Variants in MUSK observed in about 807,000 individuals in gnomAD.
The protein encoded by MUSK is muscle, skeletal receptor tyrosine-protein kinase.
In MUSK, 55 loss-of-function variants were observed where a neutral mutation model predicts 88.7. That is an observed-to-expected ratio of 0.62 (90% confidence interval 0.50 to 0.78). The LOEUF (loss-of-function observed/expected upper bound fraction) is 0.78, where lower values mean the gene tolerates loss of function less well. MUSK is among the 30% of genes least tolerant of loss of function. The pLI, the probability that MUSK is intolerant of heterozygous loss-of-function variation, is 0.00. For missense variants in MUSK, 1,015 were observed against 1,074.3 expected (o/e 0.94, Z 0.77); for synonymous variants, 387 against 391.9 (o/e 0.99, Z 0.15).
chr9:110,758,162 C>T (rs1262035923), intron 7 of MUSK, among the ~76,000 whole-genome samples: 1 of 152,068 alleles, frequency 6.6e-6, no homozygotes, highest in Non-Finnish European at 1.5e-5. Context: ...AGGAGTTTCA[C>T]CATGTTGCTC....
intron 3 of MUSK, among the ~76,000 whole-genome samples, chr9:110,689,321 T>G (rs1350998338): frequency 1.7e-5 from 2 of 117,294 alleles, no homozygotes; most frequent in East Asian, 4.8e-4. Context: ...AAATATATAT[T>G]AAATATATAT....
intron 7 of MUSK, among the ~76,000 whole-genome samples, chr9:110,753,456 A>G (rs554606144): frequency 2.8e-4 from 42 of 150,284 alleles, no homozygotes; most frequent in African/African-American, 9.8e-4. Context: ...GAAAAAAAAA[A>G]AAAAGAGAGA....
intron 5 of MUSK, among the ~76,000 whole-genome samples, chr9:110,700,395 G>C (rs2076485993): frequency 6.6e-6 from 1 of 152,084 alleles, no homozygotes; most frequent in Non-Finnish European, 1.5e-5. Context: ...TAAAGAATGA[G>C]ATAGTCCTGT....
In MUSK at chr9:110,790,191, T is replaced by C. The variant is rs540301673; in HGVS notation, c.1927+2353T>C. Among the ~76,000 whole-genome samples, 3 of 152,286 alleles carry C rather than the reference T, an allele frequency of 2.0e-5. No homozygotes were observed. The East Asian group carries it at 5.8e-4, about 29-fold the overall frequency. ...GCATTAAGTCAAGTGAGAGGAGGAC[T>C]ATAAAGTGACCTTGAATTTGTAAAC... On this transcript the variant is annotated intron_variant, in intron 14 of 14. Transcript: ENST00000374448.
At chr9:110,781,094 C>A (rs1326315387) in intron 11 of MUSK, among the ~76,000 whole-genome samples, 1 of 152,168 alleles carries the variant, frequency 6.6e-6, no homozygotes, top group Admixed American at 6.5e-5. Context: ...TACTCCCCAA[C>A]TCCAACAATG....
intron 11 of MUSK, among the ~76,000 whole-genome samples, chr9:110,783,401 C>A (rs555495590): frequency 2.6e-5 from 4 of 152,116 alleles, no homozygotes; most frequent in African/African-American, 9.6e-5. Context: ...ACTTAAAAAT[C>A]TAGTTTCCTG....
intron 3 of MUSK, among the ~76,000 whole-genome samples, chr9:110,689,710 A>AATAT (rs2076273109): frequency 1.9e-5 from 1 of 53,004 alleles, no homozygotes; most frequent in African/African-American, 9.1e-5. Context: ...TAAATATATA[A>AATAT]CTATATATGT....
At chr9:110,721,548 C>T (rs1215245306) in intron 5 of MUSK, among the ~76,000 whole-genome samples, 2 of 151,964 alleles carry the variant, frequency 1.3e-5, no homozygotes, top group African/African-American at 2.4e-5. Flanking sequence ...AGGTGAAAGA[C>T]CTCTACAAGG....
intron 9 of MUSK, among the ~76,000 whole-genome samples, chr9:110,769,912 C>G (rs899615955): frequency 2.4e-4 from 36 of 152,096 alleles, no homozygotes; most frequent in East Asian, 1.2e-3. Context: ...GAAAAATTCT[C>G]TGTGTGTGTG....
At chr9:110,694,385 CAAAAAAA>C (rs796590211) in intron 3 of MUSK, among the ~76,000 whole-genome samples, 4 of 51,760 alleles carry the variant, frequency 7.7e-5, no homozygotes, top group East Asian at 1.5e-3. Flanking sequence ...GACTCCGTCT[CAAAAAAA>C]AAAAAAAAAA....
intron 1 of MUSK, among the ~76,000 whole-genome samples, chr9:110,681,060 T>TATATAATATATATA (rs2076113701): frequency 4.3e-5 from 1 of 23,348 alleles, no homozygotes; most frequent in Non-Finnish European, 7.3e-5. Flanking sequence ...TTATATATTA[T>TATATAATATATATA]ATATATAATA....
intron 7 of MUSK, among the ~76,000 whole-genome samples, chr9:110,751,518 C>T (rs1227481948): frequency 6.6e-6 from 1 of 152,170 alleles, no homozygotes; most frequent in African/African-American, 2.4e-5. Context: ...CAGAGAGCAA[C>T]TTGCAATCTG....
chr9:110,745,986 G>C, intron 6 of MUSK, among the ~76,000 whole-genome samples: 1 of 152,174 alleles, frequency 6.6e-6, no homozygotes, highest in East Asian at 1.9e-4. Flanking sequence ...TCTTCTTCCT[G>C]GCTAGTCAAA....
intron 13 of MUSK, among the ~76,000 whole-genome samples, chr9:110,787,434 A>G (rs1190344504): frequency 1.3e-5 from 2 of 151,580 alleles, no homozygotes; most frequent in African/African-American, 2.4e-5. Flanking sequence ...CAGAATTCCT[A>G]TAATTTGTAA....
At chr9:110,778,844 C>CTAA (rs2077708508) in intron 11 of MUSK, among the ~76,000 whole-genome samples, 2 of 152,014 alleles carry the variant, frequency 1.3e-5, no homozygotes, top group African/African-American at 4.8e-5. Flanking sequence ...TGAATAAATT[C>CTAA]CACTACCTTT....
intron 3 of MUSK, among the ~76,000 whole-genome samples, chr9:110,690,445 T>TATTTAG (rs1564220169): frequency 2.1e-5 from 1 of 48,640 alleles, no homozygotes; most frequent in African/African-American, 1.4e-4. Context: ...AATATAAGTA[T>TATTTAG]ATATAAATAT....
At chr9:110,696,923 T>C (rs1382877690) in intron 4 of MUSK, among the ~76,000 whole-genome samples, 2 of 151,606 alleles carry the variant, frequency 1.3e-5, no homozygotes, top group Non-Finnish European at 2.9e-5. Context: ...ACCCAGTATA[T>C]AGTTTTGTAT....
chr9:110,743,898 T>A (rs1489944220), intron 6 of MUSK, among the ~76,000 whole-genome samples: 1 of 152,174 alleles, frequency 6.6e-6, no homozygotes, highest in African/African-American at 2.4e-5. Context: ...TATCCCTTTT[T>A]CTATGATTCA....
chr9:110,724,860 C>T (rs2076862878), intron 5 of MUSK, among the ~76,000 whole-genome samples: 1 of 151,688 alleles, frequency 6.6e-6, no homozygotes, highest in South Asian at 2.1e-4. Flanking sequence ...TAAATTCTAT[C>T]CAGCTGAATA....
Sources: gnomAD v4.1 joint callset for allele counts (sites outside exome capture counted in the v4.1 genomes callset) on GRCh38, gnomAD v4.1.1 for gene constraint, MANE v1.5 for transcripts, NCBI Gene and HGNC (gene_info 2026-07-23, HGNC 2026-07-21) for gene names.